ESRP1: variants seen among roughly 807,000 people sequenced by gnomAD.
ESRP1 encodes the protein RNA-binding motif protein 35A.
ESRP1 carries 33 observed loss-of-function variants against 81.7 expected under a neutral mutation model. The observed-to-expected ratio is 0.40, with a 90% CI of 0.31 to 0.54. ESRP1 has a LOEUF of 0.54. Among genes scored for constraint, ESRP1 ranks in the 20% least tolerant of loss-of-function variants. ESRP1 has a pLI of 0.41. For synonymous variants in ESRP1, 320 were observed against 303.3 expected (o/e 1.06, Z -0.57); for missense variants, 672 against 833.1 (o/e 0.81, Z 2.38).
chr8:94,646,378 ATG>A, intron 4 of ESRP1, 96 bp downstream of exon 4: 1 of 827,980 alleles, frequency 1.2e-6, no homozygotes, highest in Non-Finnish European at 1.9e-6. Context: ...TTGTCAGCAT[ATG>A]GATAAAATTG....
chr8:94,645,511 A>G (rs2130534086), intron 3 of ESRP1, among the ~76,000 whole-genome samples: 1 of 152,022 alleles, frequency 6.6e-6, no homozygotes, highest in South Asian at 2.1e-4. Context: ...TGGTCCTAAT[A>G]GCTAAGAACA....
Position 94,665,200 on chromosome 8 carries a change from A to G in ESRP1, c.931+4A>G, listed in dbSNP as rs777183195. ...GATTTCCTTAAAATTGCTGGTGGTAAGTGCCTTTTACATAATGTGGCTTTA... is the reference window on the plus strand; with the variant it reads ...GATTTCCTTAAAATTGCTGGTGGTAGGTGCCTTTTACATAATGTGGCTTTA... On this transcript the variant is annotated splice_donor_region_variant and intron_variant, in intron 9 of 15. Transcript: ENST00000433389. 5.0e-6 allele frequency: 8 copies of G among 1,611,924 alleles called. No individual in the cohort carries two copies. Among genetic ancestry groups the G allele is most frequent in the Non-Finnish European group, 6.8e-6 (8 of 1,179,014 alleles).
intron 13 of ESRP1, among the ~76,000 whole-genome samples, chr8:94,691,091 AAGT>A (rs1423818679): frequency 1.3e-5 from 2 of 152,214 alleles, no homozygotes; most frequent in African/African-American, 4.8e-5. Flanking sequence ...CTCAGACCAA[AAGT>A]TTAGCATTTC....
chr8:94,690,424 C>T (rs1809355036), intron 13 of ESRP1, among the ~76,000 whole-genome samples: 1 of 151,632 alleles, frequency 6.6e-6, no homozygotes, highest in Admixed American at 6.6e-5. Flanking sequence ...TGAGCCACTG[C>T]ACCCGGCCTA....
At chr8:94,662,812 A>G (rs1249179355) in intron 6 of ESRP1, among the ~76,000 whole-genome samples, 4 of 152,050 alleles carry the variant, frequency 2.6e-5, no homozygotes, top group East Asian at 1.9e-4. Context: ...GTTTCACCAT[A>G]TTAGCCAGGA....
At chr8:94,647,123 G>C (rs3133633) in intron 4 of ESRP1, among the ~76,000 whole-genome samples, 44,317 of 151,976 alleles carry the variant, frequency 0.29, 6,613 homozygotes, top group African/African-American at 0.32. Context: ...CCTGGTTTTT[G>C]TGTTACTTCA....
chr8:94,683,371 G>T (rs12678709), intron 13 of ESRP1, among the ~76,000 whole-genome samples: 51,877 of 151,900 alleles, frequency 0.34, 9,490 homozygotes, highest in East Asian at 0.56. Context: ...CTCTGAGAGA[G>T]GCTTACATTT....
rs763999677 is a variant in ESRP1, at chr8:94,692,824, C to T, written c.1968C>T (p.Tyr656=). Residue 656 remains tyrosine, a synonymous_variant, in exon 14 of 16, where the codon TAC becomes TAT. Coordinates refer to ENST00000433389, the MANE Select transcript of ESRP1 (RefSeq NM_017697.4). The part of the protein sequence containing the change: ...VKEILNFFQG[Y]QYATEDGLIH... Reference sequence around the variant, plus strand: ...AAATTCTTAACTTCTTCCAAGGTTACCAGGTCAGTAGCTTGAAGGAGAATA... The same window carrying T: ...AAATTCTTAACTTCTTCCAAGGTTATCAGGTCAGTAGCTTGAAGGAGAATA... 1 of 1,612,676 alleles carries T rather than the reference C, an allele frequency of 6.2e-7. No homozygotes were observed. Among genetic ancestry groups the T allele is most frequent in the South Asian group, 1.1e-5 (1 of 90,752 alleles).
chr8:94,644,934 C>T (rs1817770265), intron 3 of ESRP1, among the ~76,000 whole-genome samples: 1 of 152,144 alleles, frequency 6.6e-6, no homozygotes, highest in African/African-American at 2.4e-5. Flanking sequence ...GCATTATTTA[C>T]AAAGAGCATT....
chr8:94,648,264 G>A (rs917612455), intron 4 of ESRP1, among the ~76,000 whole-genome samples: 7 of 152,070 alleles, frequency 4.6e-5, no homozygotes, highest in South Asian at 2.1e-4. Flanking sequence ...CTCAAAAAAA[G>A]TGGATTTTAT....
At position 94,678,219 on chromosome 8, in the gene ESRP1, C is replaced by T. The variant is rs750303448; in HGVS notation, c.1668C>T (p.Ser556=). The T allele has an allele frequency of 2.0e-5, 33 of 1,614,004 alleles. No individual in the cohort carries two copies. Among genetic ancestry groups the T allele is most frequent in the Non-Finnish European group, 2.7e-5 (32 of 1,179,878 alleles). The change falls in exon 13 of 16, where the codon TCC becomes TCT. Residue 556 remains serine, a synonymous_variant. Coordinates refer to ENST00000433389, the MANE Select transcript of ESRP1 (RefSeq NM_017697.4). ...PCKLPCLSPP[S]YTFPAPAAVI... ...CATATCTAGGCCTGTCTCCTCCCTC[C>T]TACACATTTCCAGCTCCTGCTGCAG...
At chr8:94,664,607 T>A in intron 6 of ESRP1, 90 bp from the exon 7 acceptor site, 1 of 872,244 alleles carries the variant, frequency 1.1e-6, no homozygotes, top group Non-Finnish European at 1.9e-6. Flanking sequence ...TAATACATCC[T>A]GTGTAACTAG....
intron 4 of ESRP1, 38 bp downstream of exon 4, chr8:94,646,320 G>A: frequency 7.8e-7 from 1 of 1,275,690 alleles, no homozygotes; most frequent in Non-Finnish European, 1.1e-6. Flanking sequence ...CATTTGAAAA[G>A]ATAGTTCCAG....
chr8:94,706,047 C>A lies in ESRP1; in HGVS notation c.*158C>A. 1 of 1,202,706 alleles carries A rather than the reference C, an allele frequency of 8.3e-7. No individual in the cohort carries two copies. The highest frequency in any genetic ancestry group is 1.2e-6 in the Non-Finnish European group (1 of 868,296). 74.5% of individuals were successfully genotyped at this position (1,202,706 alleles called of 1,614,324 possible). On this transcript the variant is annotated 3_prime_UTR_variant, in exon 16 of 16. Transcript: ENST00000433389. ...CAGCAAACTTGATTGGACAAACGGG[C>A]CTGTGCCTTATCTTTTGGTGGAGTG... is the stretch of plus-strand genomic sequence containing the variant.
intron 4 of ESRP1, among the ~76,000 whole-genome samples, chr8:94,657,053 G>A (rs1322861985): frequency 6.6e-6 from 1 of 152,194 alleles, no homozygotes; most frequent in African/African-American, 2.4e-5. Flanking sequence ...CATAAGGAAA[G>A]TGTCCCTCCT....
At position 94,685,139 on chromosome 8, in the gene ESRP1, A is replaced by T. The variant is rs1809087428; in HGVS notation, c.1820+6768A>T. The stretch of plus-strand genomic sequence containing the variant: ...TAGAAATCACCTGATAATATTAATT[A>T]GTATTACCAATGTTTGTATTTTGTG... On this transcript the variant is annotated intron_variant, in intron 13 of 15. Coordinates refer to ENST00000433389, the MANE Select transcript of ESRP1 (RefSeq NM_017697.4). Among the ~76,000 whole-genome samples, 3 of 152,286 alleles carry T rather than the reference A, an allele frequency of 2.0e-5. No homozygotes were observed. The South Asian group carries it at 6.2e-4, about 32-fold the overall frequency.
Position 94,664,969 on chromosome 8 carries a change from C to T in ESRP1, c.798C>T (p.Asn266=), listed in dbSNP as rs368959736. 591 of 1,613,132 alleles carry T rather than the reference C, an allele frequency of 3.7e-4. No homozygotes were observed. Among genetic ancestry groups the T allele is most frequent in the Middle Eastern group, 3.0e-3 (18 of 6,060 alleles). ...ALCLNAQGRR[N]GEALVRFVSE... Reference sequence around the variant, plus strand: ...GTCTGAATGCTCAGGGTCGAAGGAACGGAGAAGCTCTGGTTAGGTTTGTAA... The same window carrying T: ...GTCTGAATGCTCAGGGTCGAAGGAATGGAGAAGCTCTGGTTAGGTTTGTAA... Residue 266 remains asparagine (N), a synonymous_variant, in exon 8 of 16, where the codon AAC becomes AAT. Coordinates refer to ENST00000433389, the MANE Select transcript of ESRP1 (RefSeq NM_017697.4).
chr8:94,683,506 A>T (rs1809009277), intron 13 of ESRP1, among the ~76,000 whole-genome samples: 1 of 152,214 alleles, frequency 6.6e-6, no homozygotes, highest in African/African-American at 2.4e-5. Context: ...AGTTTATCCC[A>T]ATGGTAACAT....
intron 4 of ESRP1, among the ~76,000 whole-genome samples, chr8:94,657,769 C>T (rs1818508612): frequency 6.6e-6 from 1 of 152,188 alleles, no homozygotes; most frequent in Non-Finnish European, 1.5e-5. Flanking sequence ...CTTTTGATCT[C>T]TGTCTTCTTC....
Sources: allele counts gnomAD v4.1 joint callset (sites outside exome capture counted in the v4.1 genomes callset), GRCh38; gene constraint gnomAD v4.1.1; transcripts MANE v1.5; gene names NCBI Gene and HGNC (gene_info 2026-07-23, HGNC 2026-07-21).